The following GPR143 variants were observed in gnomAD, a reference collection of about 807,000 sequenced individuals.
GPR143 encodes the protein G protein-coupled receptor 143.
A neutral mutation model predicts 27.6 loss-of-function variants in GPR143; 8 were observed. That is an observed-to-expected ratio of 0.29 (90% CI 0.17 to 0.52). The LOEUF is 0.52. Ranked by LOEUF, GPR143 falls within the 20% of genes least tolerant of loss-of-function variation. GPR143 has a pLI of 0.96. For synonymous variants in GPR143, 156 were observed against 153.2 expected (o/e 1.02, Z -0.13); for missense variants, 303 against 343.1 (o/e 0.88, Z 0.92).
chrX:9,771,755 C>T (rs190299778), intron 1 of GPR143, among the ~76,000 whole-genome samples: 1 of 94,360 alleles, frequency 1.1e-5, no homozygotes, highest in African/African-American at 4.1e-5. Flanking sequence ...GTTGCCCAGG[C>T]TGTGGCAATA....
At chrX:9,777,304 G>A (rs1261720609) in intron 1 of GPR143, among the ~76,000 whole-genome samples, 2 of 112,128 alleles carry the variant, frequency 1.8e-5, no homozygotes, top group Non-Finnish European at 3.8e-5. Context: ...CTACTTAGGA[G>A]AGTGAGGTGG....
intron 8 of GPR143, among the ~76,000 whole-genome samples, chrX:9,728,136 C>A (rs1469805500): frequency 8.9e-6 from 1 of 111,733 alleles, no homozygotes; most frequent in Non-Finnish European, 1.9e-5. Flanking sequence ...TCTGTCTCTG[C>A]CACTAGAGTG....
intron 6 of GPR143, among the ~76,000 whole-genome samples, chrX:9,742,530 C>T (rs746999939): frequency 2.7e-5 from 3 of 112,032 alleles, no homozygotes; most frequent in South Asian, 3.8e-4. Flanking sequence ...CCACGACCCG[C>T]GCAGGTGAAT....
In GPR143 at chrX:9,725,920, C is replaced by T. The variant is rs111942697; in HGVS notation, c.1121-80G>A. ...TCAGCTTCAGAAAATGCTCAGTATT[C>T]AGTGCATGGAGTTTTTCATGGACCA... On this transcript the variant is annotated intron_variant, in intron 8 of 8. Transcript: ENST00000467482. 27 of 1,006,150 alleles carry T rather than the reference C, an allele frequency of 2.7e-5. No homozygotes were observed. The African/African-American group carries it at 3.4e-4, about 13-fold the overall frequency. 82.9% of individuals were successfully genotyped at this position (1,006,150 alleles called of 1,213,427 possible).
At chrX:9,773,480 T>TAC (rs57491053) in intron 1 of GPR143, among the ~76,000 whole-genome samples, 15,067 of 102,509 alleles carry the variant, frequency 0.15, 954 homozygotes, top group African/African-American at 0.21. Context: ...GCTTTGAAAG[T>TAC]ACACACACAC....
intron 1 of GPR143, among the ~76,000 whole-genome samples, chrX:9,764,286 T>C (rs907954788): frequency 9.0e-6 from 1 of 111,227 alleles, no homozygotes; most frequent in African/African-American, 3.3e-5. Flanking sequence ...TGAGACCCTG[T>C]CTCAAAAAAC....
chrX:9,776,168 G>A (rs780794208), intron 1 of GPR143, among the ~76,000 whole-genome samples: 39 of 111,905 alleles, frequency 3.5e-4, no homozygotes, highest in Non-Finnish European at 1.7e-4. Context: ...TGCGCCCTGC[G>A]GAGACATTGT....
chrX:9,761,313 C>G (rs1052363349), intron 1 of GPR143, among the ~76,000 whole-genome samples: 17 of 112,108 alleles, frequency 1.5e-4, no homozygotes, highest in Non-Finnish European at 5.6e-5. Flanking sequence ...AGGCTGGTCT[C>G]AAACTCCTGA....
intron 3 of GPR143, among the ~76,000 whole-genome samples, 168 bp from the exon 4 acceptor site, chrX:9,748,834 T>C (rs1450284485): frequency 2.7e-5 from 3 of 112,894 alleles, no homozygotes; most frequent in Non-Finnish European, 5.6e-5. Flanking sequence ...TGTTTTCCAT[T>C]GAGGTGAAAT....
chrX:9,764,495 TACACACGCGCAC>T (rs2083517717), intron 1 of GPR143, among the ~76,000 whole-genome samples: 2 of 71,881 alleles, frequency 2.8e-5, no homozygotes, highest in Non-Finnish European at 5.0e-5. Context: ...GAAAAGAATT[TACACACGCGCAC>T]ACACACACAC....
intron 3 of GPR143, among the ~76,000 whole-genome samples, chrX:9,751,965 GC>G (rs1177935060): frequency 8.9e-6 from 1 of 112,805 alleles, no homozygotes; most frequent in Non-Finnish European, 1.9e-5. Context: ...TCCAGCCTGT[GC>G]CCCTGCTGGG....
chrX:9,726,206 A>G (rs985431115), intron 8 of GPR143, among the ~76,000 whole-genome samples: 2 of 110,574 alleles, frequency 1.8e-5, no homozygotes, highest in Admixed American at 9.7e-5. Context: ...GGAGCAGAAC[A>G]CACTCTTGTG....
chrX:9,733,820 G>C, intron 8 of GPR143, among the ~76,000 whole-genome samples: 1 of 111,325 alleles, frequency 9.0e-6, no homozygotes, highest in Non-Finnish European at 1.9e-5. Flanking sequence ...AGTGGCTCAC[G>C]CCTGTAATCC....
chrX:9,770,447 TC>T (rs748917311), upstream of GPR143, among the ~76,000 whole-genome samples: 19 of 110,257 alleles, frequency 1.7e-4, no homozygotes, highest in East Asian at 4.9e-3. Flanking sequence ...AGGCTGCAGT[TC>T]CTGTAAGTCT....
chrX:9,753,302 G>A (rs1469453094), intron 3 of GPR143, among the ~76,000 whole-genome samples: 1 of 105,567 alleles, frequency 9.5e-6, no homozygotes, highest in Admixed American at 1.0e-4. Context: ...AGGTTGCAGT[G>A]AGCCGAGATC....
At chrX:9,763,919 C>T (rs184228632) in intron 1 of GPR143, among the ~76,000 whole-genome samples, 11 of 112,633 alleles carry the variant, frequency 9.8e-5, no homozygotes, top group African/African-American at 3.5e-4. Context: ...AACATAGCTG[C>T]GTTCCCATCA....
chrX:9,730,750 G>A (rs1475462784), intron 8 of GPR143, among the ~76,000 whole-genome samples: 1 of 112,150 alleles, frequency 8.9e-6, no homozygotes, highest in Non-Finnish European at 1.9e-5. Context: ...TGGCTTTTCA[G>A]AGGCAGTGAA....
chrX:9,735,098 G>A (rs1429187776), intron 8 of GPR143, among the ~76,000 whole-genome samples: 2 of 112,455 alleles, frequency 1.8e-5, no homozygotes, highest in Admixed American at 1.9e-4. Context: ...GCGGCTCTCC[G>A]CCTCCCTAAG....
chrX:9,742,132 T>C (rs907551648), intron 6 of GPR143, among the ~76,000 whole-genome samples: 1 of 112,014 alleles, frequency 8.9e-6, no homozygotes, highest in African/African-American at 3.2e-5. Context: ...TCTTGCCATT[T>C]TATAATAGTA....
Sources: gnomAD v4.1 joint callset for allele counts (sites outside exome capture counted in the v4.1 genomes callset) on GRCh38, gnomAD v4.1.1 for gene constraint, MANE v1.5 for transcripts, NCBI Gene and HGNC (gene_info 2026-07-23, HGNC 2026-07-21) for gene names.